TCTN3: variants seen among roughly 807,000 people sequenced by gnomAD.
TCTN3 encodes tectonic-3.
Under a neutral mutation model 71.3 loss-of-function variants are expected in TCTN3, and 57 were observed. The observed-to-expected ratio is 0.80, with a 90% CI of 0.65 to 1.00. The LOEUF is 1.00. Among genes scored for constraint, TCTN3 ranks in the 50% least tolerant of loss-of-function variants. The probability of loss-of-function intolerance (pLI) is 0.00; values close to 1 mark genes in which losing one functional copy is unlikely to be tolerated. For missense variants in TCTN3, 696 were observed against 719.9 expected (o/e 0.97, Z 0.38); for synonymous variants, 258 against 267.8 (o/e 0.96, Z 0.36).
intron 13 of TCTN3, among the ~76,000 whole-genome samples, chr10:95,668,984 G>A (rs1206396052): frequency 6.6e-6 from 1 of 152,144 alleles, no homozygotes; most frequent in Admixed American, 6.5e-5. Context: ...AGAAAACTAA[G>A]AGTGAAATAG....
At chr10:95,668,255 C>A (rs76316236) in intron 13 of TCTN3, among the ~76,000 whole-genome samples, 232 of 120,056 alleles carry the variant, frequency 1.9e-3, no homozygotes, top group East Asian at 4.3e-3. Flanking sequence ...ATAGGAGTGC[C>A]AAAAAAAAAA....
At chr10:95,676,501 G>A (rs1043275509) in intron 13 of TCTN3, among the ~76,000 whole-genome samples, 5 of 151,962 alleles carry the variant, frequency 3.3e-5, no homozygotes, top group Non-Finnish European at 7.4e-5. Context: ...CACCGCGCCC[G>A]GCCAGAAAAT....
At chr10:95,680,401 G>T in intron 13 of TCTN3, 71 bp downstream of exon 13, 1 of 1,498,844 alleles carries the variant, frequency 6.7e-7, no homozygotes, top group Non-Finnish European at 8.9e-7. Flanking sequence ...AAAATTATTT[G>T]GTTAACAAAT....
chr10:95,684,467 C>T (rs769317447), intron 9 of TCTN3, 32 bp downstream of exon 9: 20 of 1,602,212 alleles, frequency 1.2e-5, no homozygotes, highest in Non-Finnish European at 1.7e-5. Context: ...ATTTCTTCCC[C>T]TCTAAATCCC....
At chr10:95,688,765 C>T (rs899221964) in intron 3 of TCTN3, among the ~76,000 whole-genome samples, 5 of 152,046 alleles carry the variant, frequency 3.3e-5, no homozygotes, top group East Asian at 1.9e-4. Flanking sequence ...ATAAATCTAC[C>T]GAAACTCTTG....
intron 3 of TCTN3, among the ~76,000 whole-genome samples, chr10:95,690,948 T>C (rs925223418): frequency 5.3e-5 from 8 of 152,138 alleles, no homozygotes; most frequent in Admixed American, 1.3e-4. Context: ...AAAAAGTTCA[T>C]TGATGTAATG....
intron 13 of TCTN3, among the ~76,000 whole-genome samples, chr10:95,668,271 A>AG (rs1555268222): frequency 8.8e-5 from 13 of 147,488 alleles, no homozygotes; most frequent in South Asian, 2.1e-4. Flanking sequence ...AAAAAAAAAA[A>AG]AGAGATATCA....
rs2097923508 is a variant in TCTN3 at position 95,663,551 on chromosome 10, C to T, written c.*516G>A. The T allele has an allele frequency of 6.5e-6, 1 of 153,206 alleles. No individual in the cohort carries two copies. The highest frequency in any genetic ancestry group is 6.5e-5 in the Admixed American group (1 of 15,446). 9.5% of individuals were successfully genotyped at this position (153,206 alleles called of 1,614,324 possible). On this transcript the variant is annotated 3_prime_UTR_variant, in exon 14 of 14. Transcript: ENST00000371217. Reference sequence around the variant, plus strand: ...AACTGAGGAGAAAGAACTGCTTTCCCCACTCGTGTCTGGGCAAAGGGTGTG... The same window carrying T: ...AACTGAGGAGAAAGAACTGCTTTCCTCACTCGTGTCTGGGCAAAGGGTGTG...
Position 95,693,880 on chromosome 10 carries a change from G to C in TCTN3, c.20C>G (p.Ala7Gly). Residue 7 changes from alanine to glycine, a missense_variant, in exon 1 of 14, where the codon GCG (alanine) becomes GGG (glycine). By Grantham distance (60) the Ala-to-Gly change is moderately conservative. Coordinates refer to ENST00000371217, the MANE Select transcript of TCTN3 (RefSeq NM_015631.6). ...CACCAGAAAGAACACTTGCAGGAGCGCGAGCTGTGGGGTGCGCATGGGGCA... is the reference window on the plus strand; with the variant it reads ...CACCAGAAAGAACACTTGCAGGAGCCCGAGCTGTGGGGTGCGCATGGGGCA... MRTPQLALLQVFFLVFP... is the reference protein window; with the variant it reads MRTPQLGLLQVFFLVFP... The C allele has an allele frequency of 6.4e-7, 1 of 1,551,714 alleles. No individual in the cohort carries two copies. Among genetic ancestry groups the C allele is most frequent in the Non-Finnish European group, 8.7e-7 (1 of 1,146,998 alleles).
chr10:95,693,007 C>CA lies in TCTN3; in HGVS notation c.411dup (p.Val138CysfsTer6), dbSNP rs1179057590. On this transcript the variant is annotated frameshift_variant, in exon 3 of 14. Transcript: ENST00000371217. LOFTEE classifies it high-confidence loss of function. ...AACGGGGAATTACTCCTGAAGATAACAGAGTTGTCTACACAAACCCAGCTT... is the reference window on the plus strand; with the variant it reads ...AACGGGGAATTACTCCTGAAGATAACAAGAGTTGTCTACACAAACCCAGCTT... 1 of 1,613,844 alleles carries CA rather than the reference C, an allele frequency of 6.2e-7. No individual in the cohort carries two copies. Among genetic ancestry groups the CA allele is most frequent in the Admixed American group, 1.7e-5 (1 of 60,002 alleles).
chr10:95,693,232 G>C (rs750695902), intron 2 of TCTN3, 121 bp downstream of exon 2: 180 of 1,451,790 alleles, frequency 1.2e-4, no homozygotes, highest in Non-Finnish European at 1.6e-4. Context: ...AAAAACCAAG[G>C]GAATGTCCTA....
Position 95,682,754 on chromosome 10 carries a change from A to G in TCTN3, c.1349T>C (p.Leu450Pro). ...SHLQQEIYQT[L>P]HGRPRPEYVA... is the part of the protein sequence containing the mutation. ...ATACTCTGGTCTGGGCCTTCCATGAAGAGTCTGATAAATCTCCTGCTGCAA... is the reference window on the plus strand; with the variant it reads ...ATACTCTGGTCTGGGCCTTCCATGAGGAGTCTGATAAATCTCCTGCTGCAA... The change falls in exon 12 of 14, where the codon CTT becomes CCT. Residue 450 changes from leucine (L) to proline (P), a missense_variant. Leu to Pro is a moderately conservative substitution (Grantham distance 98). Transcript: ENST00000371217. The G allele has an allele frequency of 6.2e-7, 1 of 1,614,152 alleles. No individual in the cohort carries two copies. Among genetic ancestry groups the G allele is most frequent in the Non-Finnish European group, 8.5e-7 (1 of 1,180,004 alleles).
intron 11 of TCTN3, 60 bp downstream of exon 11, chr10:95,683,041 T>A (rs2097944609): frequency 6.8e-7 from 1 of 1,476,994 alleles, no homozygotes; most frequent in African/African-American, 1.4e-5. Flanking sequence ...AGTTACCATA[T>A]CAACATATTC....
chr10:95,668,651 C>A (rs1045270124), intron 13 of TCTN3, among the ~76,000 whole-genome samples: 7 of 152,062 alleles, frequency 4.6e-5, no homozygotes, highest in African/African-American at 9.7e-5. Flanking sequence ...TCTTCCCCCC[C>A]CAAATTATTA....
chr10:95,666,397 T>A (rs1198066240), intron 13 of TCTN3, among the ~76,000 whole-genome samples: 1 of 152,222 alleles, frequency 6.6e-6, no homozygotes, highest in Non-Finnish European at 1.5e-5. Context: ...CATCGAAGAC[T>A]GGCTGAGACT....
At chr10:95,689,240 T>C (rs2097951483) in intron 3 of TCTN3, among the ~76,000 whole-genome samples, 1 of 152,196 alleles carries the variant, frequency 6.6e-6, no homozygotes, top group African/African-American at 2.4e-5. Flanking sequence ...TTCTCAGAAA[T>C]GTAGACTCTC....
At chr10:95,679,807 G>T (rs952499652) in intron 13 of TCTN3, among the ~76,000 whole-genome samples, 2 of 151,684 alleles carry the variant, frequency 1.3e-5, no homozygotes, top group Non-Finnish European at 2.9e-5. Flanking sequence ...AGCCGGGATG[G>T]TCTCGATCTC....
At chr10:95,673,939 C>T (rs566048593) in intron 13 of TCTN3, among the ~76,000 whole-genome samples, 1 of 152,286 alleles carries the variant, frequency 6.6e-6, no homozygotes, top group South Asian at 2.1e-4. Flanking sequence ...TCCCATTGGT[C>T]TGTCTATCTT....
At chr10:95,673,225 A>AT (rs540198665) in intron 13 of TCTN3, among the ~76,000 whole-genome samples, 1 of 152,062 alleles carries the variant, frequency 6.6e-6, no homozygotes, top group Non-Finnish European at 1.5e-5. Flanking sequence ...ATGGTCAATG[A>AT]TTTTTTTGTT....
Sources: allele counts gnomAD v4.1 joint callset (sites outside exome capture counted in the v4.1 genomes callset), GRCh38; gene constraint gnomAD v4.1.1; transcripts MANE v1.5; gene names NCBI Gene and HGNC (gene_info 2026-07-23, HGNC 2026-07-21).